Variants in GCAT observed in about 807,000 individuals in gnomAD.
GCAT encodes glycine C-acetyltransferase.
GCAT carries 26 observed loss-of-function variants against 39.7 expected under a neutral mutation model. That is an observed-to-expected ratio of 0.65 (90% CI 0.48 to 0.91). The LOEUF is 0.91. GCAT is among the 40% of genes least tolerant of loss of function. The pLI, the probability that GCAT is intolerant of heterozygous loss-of-function variation, is 0.00. For missense variants in GCAT, 550 were observed against 576.2 expected, an observed-to-expected ratio of 0.95 and a Z score of 0.47; for synonymous variants, 218 against 237.2, an observed-to-expected ratio of 0.92 and a Z score of 0.74.
At position 37,813,286 on chromosome 22, in the gene GCAT, C is replaced by A; in HGVS notation, c.430-177C>A. 4.0e-6 allele frequency: 3 copies of A among 742,074 alleles called. No individual in the cohort carries two copies. The Admixed American group carries it at 6.0e-5, about 15-fold the overall frequency. The allele number at this position is 742,074 out of a possible 1,614,324, so 46.0% of individuals were successfully genotyped here. On this transcript the variant is annotated intron_variant, in intron 3 of 8. Coordinates refer to ENST00000248924, the MANE Select transcript of GCAT (RefSeq NM_014291.4). Reference sequence around the variant, plus strand: ...CACCTCCTCTTACTAGAGCAGGGCGCTGGTCCAGCCCGGCACTGAGACACG... The same window carrying A: ...CACCTCCTCTTACTAGAGCAGGGCGATGGTCCAGCCCGGCACTGAGACACG...
rs777179910 is a variant in GCAT at position 37,807,986 on chromosome 22, T to C, written c.19T>C (p.Trp7Arg). 28 of 1,537,354 alleles carry C rather than the reference T, an allele frequency of 1.8e-5. No homozygotes were observed. The highest frequency in any genetic ancestry group is 2.4e-5 in the Non-Finnish European group (28 of 1,143,874). ...AGGAGCGATGTGGCCTGGGAACGCC[T>C]GGCGCGCCGCACTCTTCTGGGTGCC... MWPGNA[W>R]RAALFWVPRG... Residue 7 changes from tryptophan to arginine, a missense_variant, in exon 1 of 9, where the codon TGG becomes CGG. Transcript: ENST00000248924.
chr22:37,815,666 G>A lies in GCAT; in HGVS notation c.818G>A (p.Gly273Asp). 6.2e-7 allele frequency: 1 copy of A among 1,609,480 alleles called. No homozygotes were observed. Among genetic ancestry groups the A allele is most frequent in the South Asian group, 1.1e-5 (1 of 90,952 alleles). The change falls in exon 7 of 9, where the codon GGC becomes GAC. Residue 273 changes from glycine to aspartate, a missense_variant. Coordinates refer to ENST00000248924, the MANE Select transcript of GCAT (RefSeq NM_014291.4). ...LGKALGGASG[G>D]YTTGPGPLVS... is the part of the protein sequence containing the mutation. Reference sequence around the variant, plus strand: ...CCACCTCTTCCCTTCTTCTCAGGGGGCTACACGACAGGGCCTGGGCCCCTG... The same window carrying A: ...CCACCTCTTCCCTTCTTCTCAGGGGACTACACGACAGGGCCTGGGCCCCTG...
chr22:37,809,926 T>G, intron 1 of GCAT, 101 bp from the exon 2 acceptor site: 1 of 1,515,576 alleles, frequency 6.6e-7, no homozygotes, highest in Non-Finnish European at 9.0e-7. Context: ...CAGGTCTGTT[T>G]CCTTTCTGGA....
intron 2 of GCAT, among the ~76,000 whole-genome samples, chr22:37,811,208 C>T (rs374144534): frequency 9.2e-5 from 14 of 152,198 alleles, no homozygotes; most frequent in African/African-American, 3.1e-4. Context: ...ATAGGCCGGG[C>T]GCAGTGGCTC....
At chr22:37,811,002 C>T (rs111336156) in intron 2 of GCAT, among the ~76,000 whole-genome samples, 12 of 152,246 alleles carry the variant, frequency 7.9e-5, no homozygotes, top group Admixed American at 2.6e-4. Flanking sequence ...GAGGAGTAGG[C>T]GGCAGGAACT....
intron 7 of GCAT, 97 bp downstream of exon 7, chr22:37,815,931 G>A (rs551063605): frequency 6.2e-6 from 9 of 1,443,302 alleles, no homozygotes; most frequent in Admixed American, 3.7e-5. Flanking sequence ...TGTGCCCACC[G>A]GGTCTGCTTC....
chr22:37,816,184 CACCT>C lies in GCAT; in HGVS notation c.987-15_987-12del, dbSNP rs1279511079. The C allele has an allele frequency of 6.2e-7, 1 of 1,611,550 alleles. No individual in the cohort carries two copies. Among genetic ancestry groups the C allele is most frequent in the Non-Finnish European group, 8.5e-7 (1 of 1,179,184 alleles). ...TCCACGGCCCCTTAGCTACCTGTGA[CACCT>C]TGTGCCCACAGGTTCCGTAGTAAGA... is the stretch of plus-strand genomic sequence containing the variant. On this transcript the variant is annotated splice_polypyrimidine_tract_variant and intron_variant, in intron 7 of 8. Transcript: ENST00000248924.
rs1921186746 is a variant in GCAT, at chr22:37,808,227, T to G, written c.196+64T>G. 7.6e-6 allele frequency: 10 copies of G among 1,311,160 alleles called. No homozygotes were observed. In the Admixed American group the frequency reaches 9.8e-5, roughly 13 times the overall value. The allele number at this position is 1,311,160 out of a possible 1,614,324, so 81.2% of individuals were successfully genotyped here. ...CGAGCTTGCGCTGGAATGGAGGTCC[T>G]GGAGGTGGGGGTGGGCGGCTCCTAC... On this transcript the variant is annotated intron_variant, in intron 1 of 8. Coordinates refer to ENST00000248924, the MANE Select transcript of GCAT (RefSeq NM_014291.4).
intron 2 of GCAT, among the ~76,000 whole-genome samples, chr22:37,811,993 G>C (rs912136334): frequency 3.3e-5 from 5 of 151,862 alleles, no homozygotes; most frequent in Non-Finnish European, 5.9e-5. Context: ...TAAGTGACTT[G>C]CCCAGAGGCA....
chr22:37,809,908 G>C (rs1278300419), intron 1 of GCAT, 119 bp from the exon 2 acceptor site: 1 of 1,338,564 alleles, frequency 7.5e-7, no homozygotes, highest in Non-Finnish European at 1.1e-6. Context: ...CCTCCTCAAT[G>C]GTGACTCCAG....
chr22:37,816,365 A>G, intron 8 of GCAT, 44 bp downstream of exon 8: 1 of 1,599,734 alleles, frequency 6.3e-7, no homozygotes, highest in Non-Finnish European at 8.5e-7. Flanking sequence ...GTCCTGAGAG[A>G]AGAGAAAGGG....
chr22:37,814,106 T>C (rs946116763), intron 4 of GCAT, among the ~76,000 whole-genome samples: 2 of 152,072 alleles, frequency 1.3e-5, no homozygotes, highest in African/African-American at 4.8e-5. Flanking sequence ...CCTTGAGGTT[T>C]TTCCCTGTGT....
intron 6 of GCAT, 49 bp downstream of exon 6, chr22:37,815,549 C>T (rs753615356): frequency 2.0e-6 from 3 of 1,534,634 alleles, no homozygotes; most frequent in East Asian, 2.3e-5. Context: ...TTTGAAGGGC[C>T]CTGGAGGGGC....
Position 37,813,560 on chromosome 22 carries a change from A to T in GCAT, c.527A>T (p.Tyr176Phe). 1.2e-6 allele frequency: 2 copies of T among 1,613,558 alleles called. No homozygotes were observed. Among genetic ancestry groups the T allele is most frequent in the Non-Finnish European group, 1.7e-6 (2 of 1,179,996 alleles). The change falls in exon 4 of 9, where the codon TAT becomes TTT. Residue 176 changes from tyrosine to phenylalanine, a missense_variant. Tyr to Phe is a conservative substitution (Grantham distance 22). Transcript: ENST00000248924. ...IRLCKAHKYR[Y>F]RHLDMADLEA... Reference sequence around the variant, plus strand: ...CTGTGCAAGGCCCACAAGTACCGCTATCGCCACCTGGACATGGCCGACCTA... The same window carrying T: ...CTGTGCAAGGCCCACAAGTACCGCTTTCGCCACCTGGACATGGCCGACCTA...
rs1479956617 is a variant in GCAT at position 37,815,789 on chromosome 22, T to C, written c.941T>C (p.Met314Thr). The change falls in exon 7 of 9, where the codon ATG becomes ACG. Residue 314 changes from methionine to threonine, a missense_variant. By Grantham distance (81) the Met-to-Thr change is moderately conservative. Coordinates refer to ENST00000248924, the MANE Select transcript of GCAT (RefSeq NM_014291.4). ...GCCTCCAAGGCCCTAGATCTGCTGA[T>C]GGGGAGTAACACCATTGTCCAGTCT... ...GCASKALDLL[M>T]GSNTIVQSMA... 4 of 1,613,934 alleles carry C rather than the reference T, an allele frequency of 2.5e-6. No homozygotes were observed. Among genetic ancestry groups the C allele is most frequent in the South Asian group, 2.2e-5 (2 of 91,080 alleles).
At chr22:37,808,301 T>C (rs946456618) in intron 1 of GCAT, 138 bp downstream of exon 1, 7 of 652,412 alleles carry the variant, frequency 1.1e-5, no homozygotes, top group Admixed American at 3.9e-5. Context: ...ACTTTATGGC[T>C]TCCTAATATT....
At chr22:37,813,311 G>A (rs762209720) in intron 3 of GCAT, 152 bp from the exon 4 acceptor site, 6 of 853,820 alleles carry the variant, frequency 7.0e-6, no homozygotes, top group Non-Finnish European at 1.2e-5. Flanking sequence ...ACTGAGACAC[G>A]GGGGCCCCAG....
chr22:37,810,893 T>G (rs1921514035), intron 2 of GCAT, among the ~76,000 whole-genome samples: 1 of 151,960 alleles, frequency 6.6e-6, no homozygotes, highest in Admixed American at 6.6e-5. Flanking sequence ...TCAAGTGATC[T>G]CCTCCACCTT....
intron 2 of GCAT, 22 bp downstream of exon 2, chr22:37,810,179 G>A (rs1327951187): frequency 1.3e-6 from 2 of 1,563,378 alleles, no homozygotes; most frequent in Admixed American, 1.7e-5. Context: ...GTGGTGGGGG[G>A]TTGTGGGGAC....
Sources: gnomAD v4.1 joint callset for allele counts (sites outside exome capture counted in the v4.1 genomes callset) on GRCh38, gnomAD v4.1.1 for gene constraint, MANE v1.5 for transcripts, NCBI Gene and HGNC (gene_info 2026-07-23, HGNC 2026-07-21) for gene names.